Variants in PRKD3 observed in about 807,000 individuals in gnomAD.
PRKD3 encodes the protein serine/threonine-protein kinase D3.
Under a neutral mutation model 99.2 loss-of-function variants are expected in PRKD3, and 47 were observed. The observed-to-expected ratio is 0.47, with a 90% confidence interval of 0.38 to 0.60. The LOEUF is 0.60. PRKD3 is among the 20% of genes least tolerant of loss of function. The pLI, the probability that PRKD3 is intolerant of heterozygous loss-of-function variation, is 0.00. For missense variants in PRKD3, 1,019 were observed against 1,088.4 expected, an observed-to-expected ratio of 0.94 and a Z score of 0.90; for synonymous variants, 392 against 355.4, an observed-to-expected ratio of 1.10 and a Z score of -1.16.
At chr2:37,255,941 G>A (rs962898668) in intron 17 of PRKD3, among the ~76,000 whole-genome samples, 2 of 152,182 alleles carry the variant, frequency 1.3e-5, no homozygotes, top group African/African-American at 2.4e-5. Context: ...TTGAGCCCAG[G>A]AAGTCGAGGC....
intron 7 of PRKD3, 109 bp from the exon 8 acceptor site, chr2:37,280,038 TAAGTA>T (rs1039327333): frequency 1.2e-5 from 8 of 690,108 alleles, no homozygotes; most frequent in African/African-American, 7.5e-5. Flanking sequence ...CTTTATGAGT[TAAGTA>T]AAGTATTTCT....
At chr2:37,289,220 T>G (rs1026847109) in intron 5 of PRKD3, 136 bp downstream of exon 5, 4 of 1,082,214 alleles carry the variant, frequency 3.7e-6, no homozygotes, top group African/African-American at 1.6e-5. Flanking sequence ...TCTCCATTAC[T>G]ACATTTTATG....
In PRKD3 at chr2:37,277,941, G is replaced by C; in HGVS notation, c.1221C>G (p.Ile407Met). 6.2e-7 allele frequency: 1 copy of C among 1,612,618 alleles called. No individual in the cohort carries two copies. The highest frequency in any genetic ancestry group is 1.7e-5 in the Admixed American group (1 of 59,996). The change falls in exon 9 of 19, where the codon ATC becomes ATG. Residue 407 changes from isoleucine to methionine, a missense_variant. Physicochemically the swap from Ile to Met is conservative, Grantham distance 10 (BLOSUM62 1). Coordinates refer to ENST00000234179, the MANE Select transcript of PRKD3 (RefSeq NM_005813.6). ...TGCTGCTCTTCCTCTTTGTGTGCTT[G>C]ATGGATTGTACAACCCTCATTAGCG... ...NIPLMRVVQSIKHTKRKSSTM... is the reference protein window; with the variant it reads ...NIPLMRVVQSMKHTKRKSSTM...
At position 37,256,826 on chromosome 2, in the gene PRKD3, C is replaced by T. The variant is rs1667992589; in HGVS notation, c.2249G>A (p.Ser750Asn). The change falls in exon 17 of 19, where the codon AGC becomes AAC. Residue 750 changes from serine to asparagine, a missense_variant. Around this residue, in one of 3 missense-constraint regions of PRKD3, gnomAD observed 184 missense variants for 275.1 expected, o/e 0.67. Coordinates refer to ENST00000234179, the MANE Select transcript of PRKD3 (RefSeq NM_005813.6). Reference protein sequence around the residue: ...PAYLAPEVLRSKGYNRSLDMW... With the variant: ...PAYLAPEVLRNKGYNRSLDMW... ...ATCTAGGGAACGGTTGTAACCTTTG[C>T]TCCGGAGAACTTCAGGGGCTAAGTA... is the stretch of plus-strand genomic sequence containing the variant. 2 of 1,613,806 alleles carry T rather than the reference C, an allele frequency of 1.2e-6. No individual in the cohort carries two copies. Among genetic ancestry groups the T allele is most frequent in the South Asian group, 1.1e-5 (1 of 91,078 alleles).
rs191955492 is a variant in PRKD3 at position 37,261,431 on chromosome 2, G to A, written c.1885-1047C>T. ...GAACCTGGGAGGTGGAGGCTGCAGTGAGCCGAGATCATGCCATTGCACTCC... is the reference window on the plus strand; with the variant it reads ...GAACCTGGGAGGTGGAGGCTGCAGTAAGCCGAGATCATGCCATTGCACTCC... On this transcript the variant is annotated intron_variant, in intron 14 of 18. Transcript: ENST00000234179. Among the ~76,000 whole-genome samples, 220 of 151,166 alleles carry A rather than the reference G, an allele frequency of 1.5e-3. 2 individuals carry two copies. The highest frequency in any genetic ancestry group is 4.8e-3 in the South Asian group (23 of 4,794).
intron 14 of PRKD3, among the ~76,000 whole-genome samples, chr2:37,262,032 C>T (rs1305556766): frequency 6.6e-6 from 1 of 152,158 alleles, no homozygotes; most frequent in Non-Finnish European, 1.5e-5. Flanking sequence ...TTAAGGTAGG[C>T]TACACGGGGC....
chr2:37,279,184 A>G (rs948225482), intron 8 of PRKD3: 1 of 152,202 alleles, frequency 6.6e-6, no homozygotes, highest in Non-Finnish European at 1.5e-5. Flanking sequence ...ACAAGGTAGT[A>G]TATCATTTAG....
At chr2:37,320,293 A>T (rs2124909618) in intron 1 of PRKD3, among the ~76,000 whole-genome samples, 1 of 152,252 alleles carries the variant, frequency 6.6e-6, no homozygotes, top group Non-Finnish European at 1.5e-5. Flanking sequence ...CCAACAACCT[A>T]ACAATGGAAC....
chr2:37,265,738 G>A (rs1187820384), intron 14 of PRKD3, among the ~76,000 whole-genome samples: 1 of 152,158 alleles, frequency 6.6e-6, no homozygotes, highest in African/African-American at 2.4e-5. Flanking sequence ...ATTAAATTTA[G>A]TATGAAAATA....
chr2:37,265,092 A>G (rs1668747236), intron 14 of PRKD3, among the ~76,000 whole-genome samples: 1 of 152,172 alleles, frequency 6.6e-6, no homozygotes, highest in Admixed American at 6.5e-5. Flanking sequence ...GGATGCAGGT[A>G]AAGGTATCAA....
intron 13 of PRKD3, 23 bp downstream of exon 13, chr2:37,269,591 AT>A: frequency 6.3e-7 from 1 of 1,582,326 alleles, no homozygotes; most frequent in African/African-American, 1.3e-5. Context: ...TGTGTACAAT[AT>A]GCAAACGGCT....
At chr2:37,273,170 T>C (rs906103828) in intron 11 of PRKD3, among the ~76,000 whole-genome samples, 1 of 152,208 alleles carries the variant, frequency 6.6e-6, no homozygotes, top group African/African-American at 2.4e-5. Flanking sequence ...CTTTAATACA[T>C]TTATTGCCTG....
At chr2:37,271,010 A>G (rs1341038235) in intron 12 of PRKD3, among the ~76,000 whole-genome samples, 1 of 152,172 alleles carries the variant, frequency 6.6e-6, no homozygotes, top group Non-Finnish European at 1.5e-5. Context: ...TGTCTATTCT[A>G]CCTCTCAACA....
At chr2:37,324,294 T>A in intron 1 of PRKD3, 1 of 895,774 alleles carries the variant, frequency 1.1e-6, no homozygotes, top group Non-Finnish European at 1.3e-6. Flanking sequence ...CTTCGGGAAC[T>A]AGTTTGGGAG....
rs538395750 is a variant in PRKD3, at chr2:37,274,760, C to T, written c.1375-63G>A. 18 of 1,444,328 alleles carry T rather than the reference C, an allele frequency of 1.2e-5. No homozygotes were observed. The East Asian group carries it at 4.3e-4, about 35-fold the overall frequency. 89.5% of individuals were successfully genotyped at this position (1,444,328 alleles called of 1,614,324 possible). ...ATCTTTGTTTTTATTTTTAAATACA[C>T]TAAAGAACCAGAGATATGCATTTCA... On this transcript the variant is annotated intron_variant, in intron 10 of 18. Transcript: ENST00000234179.
At chr2:37,254,126 G>T (rs1667745725) in intron 18 of PRKD3, 78 bp downstream of exon 18, 4 of 999,298 alleles carry the variant, frequency 4.0e-6, no homozygotes, top group South Asian at 3.9e-5. Context: ...TGATCTTAGA[G>T]TGGTCTCATT....
chr2:37,316,600 A>T lies in PRKD3; in HGVS notation c.-76T>A. 6.6e-7 allele frequency: 1 copy of T among 1,526,452 alleles called. No homozygotes were observed. Among genetic ancestry groups the T allele is most frequent in the East Asian group, 2.3e-5 (1 of 44,074 alleles). 94.6% of individuals were successfully genotyped at this position (1,526,452 alleles called of 1,614,324 possible). ...ATGAAGAGGTTTTTAAAATAACAGC[A>T]GTAAAGAAAATGACCGCACTTTTGG... On this transcript the variant is annotated 5_prime_UTR_variant, in exon 2 of 19. Transcript: ENST00000234179.
chr2:37,279,008 A>G (rs1461880948), intron 8 of PRKD3: 1 of 152,038 alleles, frequency 6.6e-6, no homozygotes, highest in Admixed American at 6.6e-5. Context: ...CTAAACAAAG[A>G]TTTTGTTAAT....
chr2:37,259,713 C>G (rs1419843248), intron 15 of PRKD3, 32 bp from the exon 16 acceptor site: 2 of 1,490,778 alleles, frequency 1.3e-6, no homozygotes, highest in Non-Finnish European at 1.9e-6. Flanking sequence ...TTTTCAATGT[C>G]TGGAAAATCA....
Sources: allele counts gnomAD v4.1 joint callset (sites outside exome capture counted in the v4.1 genomes callset), GRCh38; gene constraint gnomAD v4.1.1; regional missense constraint gnomAD v4.1.1; transcripts MANE v1.5; gene names NCBI Gene and HGNC (gene_info 2026-07-23, HGNC 2026-07-21).